The following ABCA4 variants were observed in gnomAD, a reference collection of about 807,000 sequenced individuals.
ABCA4 encodes retinal-specific phospholipid-transporting ATPase ABCA4.
ABCA4 carries 196 observed loss-of-function variants against 263.7 expected under a neutral mutation model. The observed-to-expected ratio is 0.74, with a 90% CI of 0.66 to 0.84. The LOEUF is 0.84. ABCA4 is among the 40% of genes least tolerant of loss of function. The pLI is 0.00. For synonymous variants in ABCA4, 1,133 were observed against 1,094.2 expected (o/e 1.04, Z -0.70); for missense variants, 2,792 against 2,855.1 (o/e 0.98, Z 0.50).
Position 94,060,713 on chromosome 1 carries a change from C to T in ABCA4, c.1984G>A (p.Ala662Thr). ...GTCATGGAGACAGAGTAGATCCATG[C>T]CAGCACCATGAAGATAGGGAAACAG... Reference protein sequence around the residue: ...NRCFPIFMVLAWIYSVSMTVK... With the variant: ...NRCFPIFMVLTWIYSVSMTVK... The change falls in exon 14 of 50, where the codon GCA (alanine) becomes ACA (threonine). Residue 662 changes from alanine (A) to threonine (T), a missense_variant. Physicochemically the swap from Ala to Thr is moderately conservative, Grantham distance 58. Coordinates refer to ENST00000370225, the MANE Select transcript of ABCA4 (RefSeq NM_000350.3). The T allele has an allele frequency of 6.2e-7, 1 of 1,613,880 alleles. No individual in the cohort carries two copies. Among genetic ancestry groups the T allele is most frequent in the Non-Finnish European group, 8.5e-7 (1 of 1,179,926 alleles).
intron 11 of ABCA4, among the ~76,000 whole-genome samples, 198 bp downstream of exon 11, chr1:94,077,492 C>T (rs928814342): frequency 1.3e-5 from 2 of 152,146 alleles, no homozygotes; most frequent in African/African-American, 4.8e-5. Flanking sequence ...AAGAGGAAAC[C>T]GTTTTCAGCA....
Position 94,051,634 on chromosome 1 carries a change from T to G in ABCA4, c.2652A>C (p.Glu884Asp). The G allele has an allele frequency of 6.2e-7, 1 of 1,613,360 alleles. No homozygotes were observed. The highest frequency in any genetic ancestry group is 8.5e-7 in the Non-Finnish European group (1 of 1,179,284). Residue 884 changes from glutamate (E) to aspartate (D), a missense_variant and splice_region_variant, in exon 17 of 50, where the codon GAA becomes GAC. Coordinates refer to ENST00000370225, the MANE Select transcript of ABCA4 (RefSeq NM_000350.3). The stretch of plus-strand genomic sequence containing the variant: ...AGATTTGTGTTTTAAAGGACTCACC[T>G]TCACCGCCAAGCCAATACGACTCTT... ...LLQESYWLGGEGCSTREERAL... is the reference protein window; with the variant it reads ...LLQESYWLGGDGCSTREERAL...
At chr1:94,095,322 T>G (rs955413118) in intron 6 of ABCA4, among the ~76,000 whole-genome samples, 1 of 151,780 alleles carries the variant, frequency 6.6e-6, no homozygotes, top group Non-Finnish European at 1.5e-5. Flanking sequence ...CAGGTTCCCT[T>G]GTCTCGGAGG....
Position 94,079,370 on chromosome 1 carries a change from T to C in ABCA4, c.1191A>G (p.Lys397=), listed in dbSNP as rs746118645. Residue 397 remains lysine (K), a synonymous_variant, in exon 9 of 50, where the codon AAA becomes AAG. Coordinates refer to ENST00000370225, the MANE Select transcript of ABCA4 (RefSeq NM_000350.3). Reference sequence around the variant, plus strand: ...CAGGTGAATCAGGAGTGTACAGGATTTTTCCCATCAGCAAAGGCTTTGCCG... The same window carrying C: ...CAGGTGAATCAGGAGTGTACAGGATCTTTCCCATCAGCAAAGGCTTTGCCG... The part of the protein sequence containing the change: ...WRAAKPLLMG[K]ILYTPDSPAA... The C allele has an allele frequency of 6.2e-7, 1 of 1,614,122 alleles. No individual in the cohort carries two copies. The highest frequency in any genetic ancestry group is 1.7e-5 in the Admixed American group (1 of 60,014).
At chr1:94,078,074 T>C (rs528272212) in intron 10 of ABCA4, among the ~76,000 whole-genome samples, 187 bp from the exon 11 acceptor site, 69 of 152,304 alleles carry the variant, frequency 4.5e-4, no homozygotes, top group Admixed American at 2.7e-3. Context: ...TCCATGGGTC[T>C]CTAGAATAGA....
At chr1:94,055,698 C>A (rs916075644) in intron 15 of ABCA4, among the ~76,000 whole-genome samples, 1 of 152,206 alleles carries the variant, frequency 6.6e-6, no homozygotes, top group Admixed American at 6.5e-5. Context: ...ATAAGGATTT[C>A]TTGCCACTTA....
At chr1:94,067,794 A>G (rs1475356810) in intron 11 of ABCA4, among the ~76,000 whole-genome samples, 1 of 152,186 alleles carries the variant, frequency 6.6e-6, no homozygotes, top group Non-Finnish European at 1.5e-5. Context: ...GACTTTACTC[A>G]TATTCACCCA....
rs1557777377 is a variant in ABCA4, at chr1:94,041,251, C to T, written c.3480G>A (p.Val1160=). The change falls in exon 23 of 50, where the codon GTG becomes GTA. Residue 1160 remains valine, a synonymous_variant. Transcript: ENST00000370225. ...CFGTGLYLTL[V]RKMKNIQSQR... ...GGCTCTGGATGTTTTTCATCTTGCGCACCAAGGTTAAGTACAAGCCTGTGC... is the reference window on the plus strand; with the variant it reads ...GGCTCTGGATGTTTTTCATCTTGCGTACCAAGGTTAAGTACAAGCCTGTGC... 6.2e-7 allele frequency: 1 copy of T among 1,614,152 alleles called. No individual in the cohort carries two copies. Among genetic ancestry groups the T allele is most frequent in the Non-Finnish European group, 8.5e-7 (1 of 1,180,038 alleles).
At chr1:94,079,261 A>G (rs550959889) in intron 9 of ABCA4, 61 bp downstream of exon 9, 1 of 1,605,650 alleles carries the variant, frequency 6.2e-7, no homozygotes, top group South Asian at 1.1e-5. Flanking sequence ...ACACACACAC[A>G]CACACACACA....
intron 17 of ABCA4, among the ~76,000 whole-genome samples, chr1:94,050,608 G>A (rs552935300): frequency 6.6e-6 from 1 of 152,100 alleles, no homozygotes; most frequent in Admixed American, 6.5e-5. Context: ...GGATTGTAGA[G>A]AAAAATAAAA....
chr1:94,088,838 G>A (rs917067578), intron 6 of ABCA4, among the ~76,000 whole-genome samples: 1 of 152,214 alleles, frequency 6.6e-6, no homozygotes, highest in African/African-American at 2.4e-5. Context: ...ATCTAAGAGG[G>A]GGTAGGAGCC....
intron 26 of ABCA4, among the ~76,000 whole-genome samples, chr1:94,034,994 G>A (rs1336972955): frequency 6.6e-6 from 1 of 152,164 alleles, no homozygotes; most frequent in Non-Finnish European, 1.5e-5. Flanking sequence ...AAGAGGCTAT[G>A]TACTTACCCA....
chr1:94,024,220 G>A (rs1192700811), intron 31 of ABCA4, among the ~76,000 whole-genome samples: 4 of 152,138 alleles, frequency 2.6e-5, no homozygotes, highest in African/African-American at 7.2e-5. Flanking sequence ...TTATCTTAAA[G>A]CCCCAGAGCC....
chr1:94,048,251 G>A lies in ABCA4; in HGVS notation c.2743+617C>T, dbSNP rs150610936. Reference sequence around the variant, plus strand: ...GAGCATTTTGGCCACAGAGAAATGCGTATGCTTAGGGAATGAAAAGCCTTG... The same window carrying A: ...GAGCATTTTGGCCACAGAGAAATGCATATGCTTAGGGAATGAAAAGCCTTG... On this transcript the variant is annotated intron_variant, in intron 18 of 49. Coordinates refer to ENST00000370225, the MANE Select transcript of ABCA4 (RefSeq NM_000350.3). 8.5e-5 allele frequency among the ~76,000 whole-genome samples: 13 copies of A among 152,356 alleles called. No individual in the cohort carries two copies. In the East Asian group the frequency reaches 1.3e-3, roughly 16 times the overall value.
At chr1:94,001,422 C>T in intron 45 of ABCA4, 1 of 507,294 alleles carries the variant, frequency 2.0e-6, no homozygotes, top group Non-Finnish European at 3.6e-6. Context: ...AGGGAGGTCA[C>T]TCAGGTCACT....
intron 11 of ABCA4, among the ~76,000 whole-genome samples, chr1:94,064,141 A>T (rs1303916000): frequency 6.6e-6 from 1 of 152,240 alleles, no homozygotes; most frequent in Admixed American, 6.5e-5. Context: ...ACAAGAAGTC[A>T]GATGGTCTTG....
At chr1:94,114,535 G>A (rs373919359) in intron 1 of ABCA4, among the ~76,000 whole-genome samples, 3 of 151,928 alleles carry the variant, frequency 2.0e-5, no homozygotes, top group East Asian at 3.9e-4. Flanking sequence ...TGCCCAGGCT[G>A]GAGTGCAGTG....
intron 38 of ABCA4, among the ~76,000 whole-genome samples, chr1:94,013,253 G>A (rs1659603302): frequency 6.6e-6 from 1 of 152,132 alleles, no homozygotes; most frequent in African/African-American, 2.4e-5. Flanking sequence ...ACTCTGACAT[G>A]CTGAATTTCT....
intron 1 of ABCA4, 81 bp downstream of exon 1, chr1:94,120,898 CT>C: frequency 5.4e-6 from 4 of 746,044 alleles, no homozygotes; most frequent in South Asian, 2.9e-5. Flanking sequence ...CCCCACCACC[CT>C]ACCCCACCAC....
Sources: gnomAD v4.1 joint callset for allele counts (sites outside exome capture counted in the v4.1 genomes callset) on GRCh38, gnomAD v4.1.1 for gene constraint, MANE v1.5 for transcripts, NCBI Gene and HGNC (gene_info 2026-07-23, HGNC 2026-07-21) for gene names.